ATF3: variants seen among roughly 807,000 people sequenced by gnomAD.
The protein encoded by ATF3 is activating transcription factor 3.
ATF3 carries 10 observed loss-of-function variants against 18.4 expected under a neutral mutation model. That is an observed-to-expected ratio of 0.54 (90% confidence interval 0.34 to 0.92). ATF3 has a LOEUF of 0.92. Among genes scored for constraint, ATF3 ranks in the 40% least tolerant of loss-of-function variants. The probability of loss-of-function intolerance (pLI) is 0.02; values close to 1 mark genes in which losing one functional copy is unlikely to be tolerated. For missense variants in ATF3, 183 were observed against 222.3 expected, an observed-to-expected ratio of 0.82 and a Z score of 1.12; for synonymous variants, 78 against 87.9, an observed-to-expected ratio of 0.89 and a Z score of 0.63.
chr1:212,574,414 TG>T (rs932772360), intron 1 of ATF3, among the ~76,000 whole-genome samples: 84 of 152,190 alleles, frequency 5.5e-4, no homozygotes, highest in African/African-American at 1.9e-3. Flanking sequence ...ATATAATTTT[TG>T]TTTCTTAAAA....
chr1:212,603,517 T>C (rs1413995760), intron 1 of ATF3, among the ~76,000 whole-genome samples: 1 of 152,198 alleles, frequency 6.6e-6, no homozygotes, highest in Non-Finnish European at 1.5e-5. Flanking sequence ...TTTAACCCCA[T>C]TTAAGCATCC....
upstream of ATF3, among the ~76,000 whole-genome samples, chr1:212,607,632 T>A (rs1654675954): frequency 6.6e-6 from 1 of 152,186 alleles, no homozygotes; most frequent in Non-Finnish European, 1.5e-5. Flanking sequence ...TTCCGGGCCG[T>A]CCGGTCCCAG....
chr1:212,596,413 T>G (rs996306810), intron 1 of ATF3, among the ~76,000 whole-genome samples: 1 of 152,238 alleles, frequency 6.6e-6, no homozygotes, highest in Non-Finnish European at 1.5e-5. Flanking sequence ...ACAATAATAG[T>G]GTGCTTTAAT....
chr1:212,616,949 C>T (rs1655154044), intron 2 of ATF3, among the ~76,000 whole-genome samples: 1 of 152,096 alleles, frequency 6.6e-6, no homozygotes, highest in Non-Finnish European at 1.5e-5. Flanking sequence ...CTGTCCTATT[C>T]TGCAGACCCC....
At chr1:212,581,043 AC>A (rs140564719) in intron 1 of ATF3, among the ~76,000 whole-genome samples, 4,106 of 152,324 alleles carry the variant, frequency 0.027, 227 homozygotes, top group African/African-American at 0.093. Context: ...TGATGGGATG[AC>A]AGGCGTGCGC....
upstream of ATF3, among the ~76,000 whole-genome samples, chr1:212,608,333 GC>G (rs145591755): frequency 0.11 from 16,274 of 147,934 alleles, 1,355 homozygotes; most frequent in East Asian, 0.25. Flanking sequence ...CACCTTCCCC[GC>G]CCCCCCCGCT....
chr1:212,607,348 C>A (rs1194685980), upstream of ATF3, among the ~76,000 whole-genome samples: 1 of 152,266 alleles, frequency 6.6e-6, no homozygotes, highest in Admixed American at 6.5e-5. Context: ...GCAGGTCTCC[C>A]TCCCAGGCAG....
At chr1:212,567,203 G>T (rs555377523) in intron 1 of ATF3, among the ~76,000 whole-genome samples, 23 of 151,828 alleles carry the variant, frequency 1.5e-4, no homozygotes, top group Non-Finnish European at 3.1e-4. Context: ...ACGTTCAGAG[G>T]TTGGCAGGAG....
intron 1 of ATF3, among the ~76,000 whole-genome samples, chr1:212,572,016 A>G (rs1664494025): frequency 6.6e-6 from 1 of 152,134 alleles, no homozygotes; most frequent in African/African-American, 2.4e-5. Context: ...CCGGCCGCCA[A>G]TACTTTTATT....
At chr1:212,603,297 G>T (rs1212005295) in intron 1 of ATF3, among the ~76,000 whole-genome samples, 1 of 152,164 alleles carries the variant, frequency 6.6e-6, no homozygotes, top group Non-Finnish European at 1.5e-5. Flanking sequence ...TACATTTTCT[G>T]CTTCAAGGTA....
intron 1 of ATF3, among the ~76,000 whole-genome samples, chr1:212,595,022 T>G (rs1286483499): frequency 1.3e-5 from 2 of 152,218 alleles, no homozygotes; most frequent in African/African-American, 4.8e-5. Context: ...ATTATTGTTT[T>G]GCCATCTACT....
rs1655291355 is a variant in ATF3 at position 212,619,735 on chromosome 1, G to A, written c.*180G>A. ...GCCCTTCCCATTCTGCCCCAGAGTG[G>A]GTCTTGGACCAGGGCAAGTGCATCT... On this transcript the variant is annotated 3_prime_UTR_variant, in exon 4 of 4. Transcript: ENST00000341491. This position sits in a 1 kb window ranked among gnomAD's most constrained non-coding sequence, Gnocchi z 4.4. The A allele has an allele frequency of 1.3e-6, 1 of 779,492 alleles. No individual in the cohort carries two copies. Among genetic ancestry groups the A allele is most frequent in the East Asian group, 3.0e-5 (1 of 33,318 alleles). The allele number at this position is 779,492 out of a possible 1,614,324, so 48.3% of individuals were successfully genotyped here. A position where few individuals can be genotyped will look rare whatever the true frequency, so the allele number is the denominator to read the frequency against.
At chr1:212,608,370 C>A (rs1377210755), upstream of ATF3, among the ~76,000 whole-genome samples, 2 of 152,098 alleles carry the variant, frequency 1.3e-5, no homozygotes, top group Non-Finnish European at 1.5e-5. Flanking sequence ...GGGACAGATG[C>A]CAGCGCGGTG....
chr1:212,615,568 G>A (rs1003910280), intron 2 of ATF3, among the ~76,000 whole-genome samples: 6 of 151,946 alleles, frequency 3.9e-5, no homozygotes, highest in Non-Finnish European at 4.4e-5. Context: ...CCAGCACTTT[G>A]AGAGGCCAAG....
rs752011596 is a variant in ATF3 at position 212,619,545 on chromosome 1, T to G, written c.536T>G (p.Leu179Trp). The change falls in exon 4 of 4, where the codon TTG (leucine) becomes TGG (tryptophan). Residue 179 changes from leucine (L) to tryptophan (W), a missense_variant. Transcript: ENST00000341491. The surrounding 1 kb of genome is among the most constrained non-coding windows in gnomAD (Gnocchi z 4.4). ...ATCCAACAGATAAAAGAAGGAACATTGCAGAGCTAAGCAGTCGTGGTATGG... is the reference window on the plus strand; with the variant it reads ...ATCCAACAGATAAAAGAAGGAACATGGCAGAGCTAAGCAGTCGTGGTATGG... ...LFIQQIKEGT[L>W]QS is the part of the protein sequence containing the mutation. The G allele has an allele frequency of 5.6e-6, 9 of 1,614,106 alleles. No individual in the cohort carries two copies. Among genetic ancestry groups the G allele is most frequent in the South Asian group, 2.2e-5 (2 of 91,080 alleles).
chr1:212,601,747 A>T (rs150889095), intron 1 of ATF3, among the ~76,000 whole-genome samples: 1 of 152,316 alleles, frequency 6.6e-6, no homozygotes, highest in African/African-American at 2.4e-5. Flanking sequence ...AAGTTTTTTT[A>T]AATTTGTTTT....
At chr1:212,595,627 A>G (rs1384046824) in intron 1 of ATF3, among the ~76,000 whole-genome samples, 1 of 152,228 alleles carries the variant, frequency 6.6e-6, no homozygotes, top group Non-Finnish European at 1.5e-5. Flanking sequence ...CTGAATGGCC[A>G]AGAAACAAAA....
At chr1:212,593,052 G>A (rs36163813) in intron 1 of ATF3, among the ~76,000 whole-genome samples, 38,085 of 147,590 alleles carry the variant, frequency 0.26, 5,492 homozygotes, top group African/African-American at 0.4. Flanking sequence ...ATGTCCAACA[G>A]TGATAGACTG....
chr1:212,601,926 TG>T (rs1654494605), intron 1 of ATF3, among the ~76,000 whole-genome samples: 1 of 152,124 alleles, frequency 6.6e-6, no homozygotes, highest in Non-Finnish European at 1.5e-5. Context: ...TTTTTAATTT[TG>T]GGGGGTATAT....
Sources: allele counts gnomAD v4.1 joint callset (sites outside exome capture counted in the v4.1 genomes callset), GRCh38; gene constraint gnomAD v4.1.1; non-coding constraint Gnocchi (gnomAD v3.1); transcripts MANE v1.5; gene names NCBI Gene and HGNC (gene_info 2026-07-23, HGNC 2026-07-21).